CLCC1: variants seen among roughly 807,000 people sequenced by gnomAD.
The protein encoded by CLCC1 is chloride channel CLIC like 1.
CLCC1 carries 39 observed loss-of-function variants against 63.3 expected under a neutral mutation model. The ratio of observed to expected loss-of-function variants is 0.62; its 90% CI spans 0.48 to 0.81. The LOEUF is 0.81. Among genes scored for constraint, CLCC1 ranks in the 30% least tolerant of loss-of-function variants. The probability of loss-of-function intolerance (pLI) is 0.00; values close to 1 mark genes in which losing one functional copy is unlikely to be tolerated. For synonymous variants in CLCC1, 217 were observed against 239.8 expected, an observed-to-expected ratio of 0.90 and a Z score of 0.88; for missense variants, 549 against 669.4, an observed-to-expected ratio of 0.82 and a Z score of 1.98.
At chr1:108,945,214 G>GT (rs1553221573) in intron 5 of CLCC1, among the ~76,000 whole-genome samples, 1 of 152,052 alleles carries the variant, frequency 6.6e-6, no homozygotes, top group East Asian at 1.9e-4. Flanking sequence ...CCTTTTCTCT[G>GT]TAAGTACATC....
At position 108,962,408 on chromosome 1, in the gene CLCC1, C is replaced by T. The variant is rs542702100; in HGVS notation, c.-111G>A. On this transcript the variant is annotated 5_prime_UTR_variant, in exon 2 of 13. The change abolishes an upstream ATG in the 5' untranslated region. Transcript: ENST00000369969. ...GTATGCTTATGCAGTTTCTTGGAACCATGGCTCTCAAACTTGCGAATTTGC... is the reference window on the plus strand; with the variant it reads ...GTATGCTTATGCAGTTTCTTGGAACTATGGCTCTCAAACTTGCGAATTTGC... 6.6e-6 allele frequency: 1 copy of T among 152,268 alleles called. No homozygotes were observed. Among genetic ancestry groups the T allele is most frequent in the African/African-American group, 2.4e-5 (1 of 41,548 alleles). The allele number at this position is 152,268 out of a possible 1,614,324, so 9.4% of individuals were successfully genotyped here.
At chr1:108,937,661 G>A (rs1030616452) in intron 10 of CLCC1, among the ~76,000 whole-genome samples, 4 of 152,246 alleles carry the variant, frequency 2.6e-5, no homozygotes, top group Middle Eastern at 3.4e-3. Flanking sequence ...GACACATTTC[G>A]ATTGAACTAT....
At position 108,929,983 on chromosome 1, in the gene CLCC1, A is replaced by AACAATCTATTACTTTTTT. The variant is rs1651648846; in HGVS notation, c.*2546_*2563dup. On this transcript the variant is annotated 3_prime_UTR_variant, in exon 13 of 13. Transcript: ENST00000369969. ...TTTTTCCTTTCAAACACGGTAAGGA[A>AACAATCTATTACTTTTTT]ACAATCTATTACTTTTTTCCTTAAA... The AACAATCTATTACTTTTTT allele has an allele frequency of 6.4e-7, 1 of 1,565,328 alleles. No individual in the cohort carries two copies. Among genetic ancestry groups the AACAATCTATTACTTTTTT allele is most frequent in the Non-Finnish European group, 8.8e-7 (1 of 1,139,202 alleles).
At chr1:108,952,476 T>C (rs1322336133) in intron 2 of CLCC1, among the ~76,000 whole-genome samples, 1 of 150,580 alleles carries the variant, frequency 6.6e-6, no homozygotes, top group Non-Finnish European at 1.5e-5. Flanking sequence ...TGGCCCCCCC[T>C]GTTTTTTTTT....
intron 10 of CLCC1, among the ~76,000 whole-genome samples, chr1:108,939,257 TATATAA>T (rs71683011): frequency 0.027 from 3,962 of 145,898 alleles, 197 homozygotes; most frequent in African/African-American, 0.093. Flanking sequence ...TATAGACAGA[TATATAA>T]ATATAAATAT....
At chr1:108,957,217 G>A (rs1656034719) in intron 2 of CLCC1, among the ~76,000 whole-genome samples, 1 of 151,458 alleles carries the variant, frequency 6.6e-6, no homozygotes, top group Non-Finnish European at 1.5e-5. Context: ...AGGTCACTAG[G>A]CATATTTCTT....
At chr1:108,950,120 C>T (rs192871704) in intron 3 of CLCC1, among the ~76,000 whole-genome samples, 189 bp downstream of exon 3, 1 of 152,234 alleles carries the variant, frequency 6.6e-6, no homozygotes, top group East Asian at 1.9e-4. Context: ...ACTTCAAGGG[C>T]TTTACATTCA....
intron 12 of CLCC1, chr1:108,933,450 A>G (rs1652337696): frequency 6.7e-6 from 1 of 149,914 alleles, no homozygotes; most frequent in Non-Finnish European, 1.5e-5. Flanking sequence ...GCCTAAAATT[A>G]CATTGTTACA....
Position 108,930,112 on chromosome 1 carries a change from C to G in CLCC1, c.*2435G>C, listed in dbSNP as rs146011998. The stretch of plus-strand genomic sequence containing the variant: ...AGGCATTAATACTTCTCTGGACATG[C>G]GCGTTTGAGGGTGGAGGGGTCCTGT... On this transcript the variant is annotated 3_prime_UTR_variant, in exon 13 of 13. Coordinates refer to ENST00000369969, the MANE Select transcript of CLCC1 (RefSeq NM_001377458.1). 3.1e-6 allele frequency: 2 copies of G among 644,198 alleles called. No homozygotes were observed. The highest frequency in any genetic ancestry group is 5.3e-6 in the Non-Finnish European group (2 of 380,924). 39.9% of individuals were successfully genotyped at this position (644,198 alleles called of 1,614,324 possible). A position where few individuals can be genotyped will look rare whatever the true frequency, so the allele number is the denominator to read the frequency against.
At chr1:108,963,249 G>A (rs2101746045) in intron 1 of CLCC1, 112 bp downstream of exon 1, 1 of 608,508 alleles carries the variant, frequency 1.6e-6, no homozygotes, top group South Asian at 1.8e-5. Context: ...GCCCCGGGTC[G>A]CGCCTGCGGC....
At chr1:108,957,905 T>C (rs1212628317) in intron 2 of CLCC1, among the ~76,000 whole-genome samples, 1 of 151,352 alleles carries the variant, frequency 6.6e-6, no homozygotes, top group Non-Finnish European at 1.5e-5. Context: ...GACAAAAGAC[T>C]GAGTCCTGGG....
chr1:108,961,658 C>T (rs1480334572), intron 2 of CLCC1, among the ~76,000 whole-genome samples: 4 of 152,146 alleles, frequency 2.6e-5, no homozygotes, highest in African/African-American at 9.7e-5. Context: ...TTGGGAGCTC[C>T]AGCCCAGCCT....
chr1:108,938,339 G>A (rs1653324194), intron 10 of CLCC1, among the ~76,000 whole-genome samples: 1 of 152,158 alleles, frequency 6.6e-6, no homozygotes. Context: ...AAAACAGATG[G>A]TGAAGACTCT....
At chr1:108,963,109 C>A (rs1656881398) in intron 1 of CLCC1, among the ~76,000 whole-genome samples, 1 of 152,236 alleles carries the variant, frequency 6.6e-6, no homozygotes, top group African/African-American at 2.4e-5. Flanking sequence ...CCGTAGGCCG[C>A]TCTCTGGGCC....
At position 108,944,039 on chromosome 1, in the gene CLCC1, C is replaced by T. The variant is rs763545061; in HGVS notation, c.358G>A (p.Asp120Asn). The part of the protein sequence containing the change: ...KLGLPDENKG[D>N]MHYDAEIILK... The stretch of plus-strand genomic sequence containing the variant: ...ATAATCTCAGCATCATAATGCATAT[C>T]GCCTTTGTTTTCATCAGGCTAAATT... The change falls in exon 6 of 13, where the codon GAT (aspartate) becomes AAT (asparagine). Residue 120 changes from aspartate (D) to asparagine (N), a missense_variant. Coordinates refer to ENST00000369969, the MANE Select transcript of CLCC1 (RefSeq NM_001377458.1). 7.5e-6 allele frequency: 12 copies of T among 1,598,154 alleles called. No homozygotes were observed. Among genetic ancestry groups the T allele is most frequent in the Middle Eastern group, 1.7e-4 (1 of 5,788 alleles).
chr1:108,948,134 G>A (rs1245071453), intron 4 of CLCC1, among the ~76,000 whole-genome samples: 2 of 152,222 alleles, frequency 1.3e-5, no homozygotes. Context: ...CAAAGGGACA[G>A]AGAAACAGAA....
chr1:108,938,606 A>C (rs1191537643), intron 10 of CLCC1, among the ~76,000 whole-genome samples: 1 of 152,200 alleles, frequency 6.6e-6, no homozygotes, highest in Non-Finnish European at 1.5e-5. Context: ...ATAACAAAAA[A>C]CACTGAATAG....
At chr1:108,942,744 C>T (rs1375292825) in intron 7 of CLCC1, among the ~76,000 whole-genome samples, 1 of 152,082 alleles carries the variant, frequency 6.6e-6, no homozygotes, top group Non-Finnish European at 1.5e-5. Flanking sequence ...AATTAATTTC[C>T]TTGTATCTGC....
intron 10 of CLCC1, 56 bp from the exon 11 acceptor site, chr1:108,937,474 TATG>T: frequency 7.2e-7 from 1 of 1,380,254 alleles, no homozygotes; most frequent in Non-Finnish European, 9.8e-7. Flanking sequence ...TTACAAAAGT[TATG>T]AGGCATTTTA....
Sources: allele counts gnomAD v4.1 joint callset (sites outside exome capture counted in the v4.1 genomes callset), GRCh38; gene constraint gnomAD v4.1.1; transcripts MANE v1.5; gene names NCBI Gene and HGNC (gene_info 2026-07-23, HGNC 2026-07-21).